Variants in MAST2 observed in about 807,000 individuals in gnomAD.
MAST2 encodes the protein microtubule associated serine/threonine kinase 2, also known as microtubule-associated serine/threonine-protein kinase 2.
A neutral mutation model predicts 147.4 loss-of-function variants in MAST2; 70 were observed. The observed-to-expected ratio is 0.47, with a 90% confidence interval of 0.39 to 0.58. MAST2 has a LOEUF of 0.58. Among genes scored for constraint, MAST2 ranks in the 20% least tolerant of loss-of-function variants. The probability of loss-of-function intolerance (pLI) is 0.00; values close to 1 mark genes in which losing one functional copy is unlikely to be tolerated. For synonymous variants in MAST2, 869 were observed against 896.8 expected (o/e 0.97, Z 0.55); for missense variants, 2,080 against 2,302.3 (o/e 0.90, Z 1.98).
At chr1:45,942,709 A>G (rs1460735187) in intron 4 of MAST2, among the ~76,000 whole-genome samples, 1 of 152,214 alleles carries the variant, frequency 6.6e-6, no homozygotes, top group Non-Finnish European at 1.5e-5. Context: ...ATAAGGGTTT[A>G]GTAACACTTG....
At chr1:45,858,794 G>T (rs1178963533) in intron 3 of MAST2, among the ~76,000 whole-genome samples, 1 of 151,568 alleles carries the variant, frequency 6.6e-6, no homozygotes, top group African/African-American at 2.4e-5. Flanking sequence ...TTTTGTATAA[G>T]GTGTAAGGAA....
intron 3 of MAST2, among the ~76,000 whole-genome samples, chr1:45,863,841 A>C (rs142582914): frequency 9.2e-5 from 14 of 152,298 alleles, no homozygotes; most frequent in African/African-American, 3.4e-4. Flanking sequence ...TTATTGTAGC[A>C]TGTCTTATAG....
Position 45,855,930 on chromosome 1 carries a change from G to A in MAST2, c.468+26349G>A, listed in dbSNP as rs116101104. ...GGAGCCTAATTTGGGACTAGCAAATGCTAGTTTTACTCACCTTATCATTAC... is the reference window on the plus strand; with the variant it reads ...GGAGCCTAATTTGGGACTAGCAAATACTAGTTTTACTCACCTTATCATTAC... On this transcript the variant is annotated intron_variant, in intron 3 of 28. Transcript: ENST00000361297. 2.5e-3 allele frequency among the ~76,000 whole-genome samples: 382 copies of A among 152,240 alleles called. 1 individual carries two copies. The highest frequency in any genetic ancestry group is 4.2e-3 in the Non-Finnish European group (287 of 68,020).
intron 5 of MAST2, among the ~76,000 whole-genome samples, chr1:45,979,429 GTTTTT>G (rs10712066): frequency 7.0e-6 from 1 of 143,144 alleles, no homozygotes. Context: ...CAGATTTTTT[GTTTTT>G]TTTTTTTTTT....
intron 1 of MAST2, among the ~76,000 whole-genome samples, chr1:45,808,180 C>G (rs541103539): frequency 2.0e-5 from 3 of 152,190 alleles, no homozygotes; most frequent in Non-Finnish European, 4.4e-5. Context: ...ATGTGCTTCT[C>G]TCTGTATCTT....
chr1:45,854,573 C>G (rs567815374), intron 3 of MAST2, among the ~76,000 whole-genome samples: 8 of 151,960 alleles, frequency 5.3e-5, no homozygotes, highest in African/African-American at 1.9e-4. Flanking sequence ...TTTTTTATAT[C>G]TACAAAAAGT....
intron 4 of MAST2, among the ~76,000 whole-genome samples, chr1:45,939,815 C>T (rs2148787188): frequency 6.6e-6 from 1 of 151,948 alleles, no homozygotes. Context: ...GCTGGGATTA[C>T]AGGTGTGAGC....
In MAST2 at chr1:45,939,980, G is replaced by T. The variant is rs1230640302; in HGVS notation, c.501-19406G>T. On this transcript the variant is annotated intron_variant, in intron 4 of 28. Transcript: ENST00000361297. Reference sequence around the variant, plus strand: ...AACGGAAGTTCTCTATTTATTTAGGGTTTTTTTTTTTTTTTTTTTTTGAGA... The same window carrying T: ...AACGGAAGTTCTCTATTTATTTAGGTTTTTTTTTTTTTTTTTTTTTTGAGA... Among the ~76,000 whole-genome samples, 208 of 97,372 alleles carry T rather than the reference G, an allele frequency of 2.1e-3. 1 individual carries two copies. The highest frequency in any genetic ancestry group is 3.5e-3 in the Non-Finnish European group (177 of 51,060). The allele number at this position is 97,372 out of a possible 152,430, so 63.9% of individuals were successfully genotyped here.
chr1:45,852,387 G>A (rs1044722146), intron 3 of MAST2, among the ~76,000 whole-genome samples: 23 of 151,908 alleles, frequency 1.5e-4, no homozygotes, highest in African/African-American at 5.6e-4. Flanking sequence ...TTTGATACAG[G>A]GTCTCACTCT....
intron 4 of MAST2, among the ~76,000 whole-genome samples, chr1:45,906,130 A>C (rs1055239782): frequency 1.3e-5 from 2 of 152,230 alleles, no homozygotes; most frequent in African/African-American, 4.8e-5. Context: ...TTTTGAAAAA[A>C]AGAATAAAAA....
rs748065677 is a variant in MAST2, at chr1:45,972,694, T to G, written c.592+13217T>G. Among the ~76,000 whole-genome samples the G allele has an allele frequency of 2.8e-4, 43 of 152,216 alleles. 1 individual carries two copies. Among genetic ancestry groups the G allele is most frequent in the Non-Finnish European group, 4.4e-5 (3 of 68,044 alleles). On this transcript the variant is annotated intron_variant, in intron 5 of 28. Coordinates refer to ENST00000361297, the MANE Select transcript of MAST2 (RefSeq NM_015112.3). Reference sequence around the variant, plus strand: ...GGTTACCCGCACCCCATCATCTACATGCTTAATTCATCTAAACCTCTGAAC... The same window carrying G: ...GGTTACCCGCACCCCATCATCTACAGGCTTAATTCATCTAAACCTCTGAAC...
chr1:45,845,890 A>G (rs1197947961), intron 3 of MAST2, among the ~76,000 whole-genome samples: 3 of 152,124 alleles, frequency 2.0e-5, no homozygotes, highest in East Asian at 3.9e-4. Context: ...CCTCCTGAGT[A>G]GCTGGGACTA....
intron 3 of MAST2, among the ~76,000 whole-genome samples, chr1:45,881,026 A>G (rs1453206021): frequency 1.3e-5 from 2 of 152,088 alleles, no homozygotes; most frequent in African/African-American, 4.8e-5. Flanking sequence ...AAGAAAATAT[A>G]AGCACATATA....
At chr1:45,832,710 G>A (rs769028776) in intron 3 of MAST2, among the ~76,000 whole-genome samples, 3 of 152,088 alleles carry the variant, frequency 2.0e-5, no homozygotes, top group Admixed American at 1.3e-4. Context: ...AGGGATTCCC[G>A]GACTGAGGTT....
intron 5 of MAST2, among the ~76,000 whole-genome samples, chr1:45,992,959 T>A (rs1372689267): frequency 6.6e-6 from 1 of 152,130 alleles, no homozygotes; most frequent in Non-Finnish European, 1.5e-5. Flanking sequence ...TGCCTTAGCA[T>A]TTATAGTGTA....
chr1:45,882,422 AT>A, intron 4 of MAST2, 27 bp downstream of exon 4: 1 of 1,578,858 alleles, frequency 6.3e-7, no homozygotes, highest in Non-Finnish European at 8.7e-7. Flanking sequence ...TACCATTATG[AT>A]TATGATCTCC....
At chr1:45,979,442 T>G (rs1019216700) in intron 5 of MAST2, among the ~76,000 whole-genome samples, 140 of 151,994 alleles carry the variant, frequency 9.2e-4, no homozygotes, top group Non-Finnish European at 1.3e-3. Flanking sequence ...TTTTTTTTTT[T>G]TTTTTGGTCC....
chr1:45,950,662 TA>T (rs1211887087), intron 4 of MAST2, among the ~76,000 whole-genome samples: 1 of 152,178 alleles, frequency 6.6e-6, no homozygotes, highest in Non-Finnish European at 1.5e-5. Context: ...TCAAATCAGG[TA>T]TCATAGGATT....
At chr1:45,955,963 A>G (rs141868196) in intron 4 of MAST2, among the ~76,000 whole-genome samples, 2 of 152,342 alleles carry the variant, frequency 1.3e-5, no homozygotes, top group African/African-American at 2.4e-5. Flanking sequence ...GAACATGAAG[A>G]TAATGAACAG....
Sources: allele counts gnomAD v4.1 joint callset (sites outside exome capture counted in the v4.1 genomes callset), GRCh38; gene constraint gnomAD v4.1.1; transcripts MANE v1.5; gene names NCBI Gene and HGNC (gene_info 2026-07-23, HGNC 2026-07-21).